Variants in AAK1 observed in about 807,000 individuals in gnomAD.
The protein encoded by AAK1 is AP2-associated protein kinase 1.
AAK1 carries 37 observed loss-of-function variants against 116.0 expected under a neutral mutation model. The ratio of observed to expected loss-of-function variants is 0.32; its 90% CI spans 0.25 to 0.42. The LOEUF is 0.42. AAK1 is among the 10% of genes least tolerant of loss of function. The probability of loss-of-function intolerance (pLI) is 1.00; values close to 1 mark genes in which losing one functional copy is unlikely to be tolerated. For missense variants in AAK1, 919 were observed against 1,170.6 expected (o/e 0.79, Z 3.14); for synonymous variants, 458 against 439.9 (o/e 1.04, Z -0.51).
rs1256315895 is a variant in AAK1 at position 69,464,840 on chromosome 2, A to T, written c.*11029T>A. 1 of 153,214 alleles carries T rather than the reference A, an allele frequency of 6.5e-6. No homozygotes were observed. Among genetic ancestry groups the T allele is most frequent in the Non-Finnish European group, 1.5e-5 (1 of 68,824 alleles). 9.5% of individuals were successfully genotyped at this position (153,214 alleles called of 1,614,324 possible). ...CAGCCTGGCTTGCACACAGACTGAGAATCAGATCTGGAGACTCCTAGAGCT... is the reference window on the plus strand; with the variant it reads ...CAGCCTGGCTTGCACACAGACTGAGTATCAGATCTGGAGACTCCTAGAGCT... On this transcript the variant is annotated 3_prime_UTR_variant, in exon 22 of 22. Transcript: ENST00000409085.
In AAK1 at chr2:69,482,693, C is replaced by A; in HGVS notation, c.2467+18G>T. On this transcript the variant is annotated intron_variant, in intron 18 of 21. Coordinates refer to ENST00000409085, the MANE Select transcript of AAK1 (RefSeq NM_014911.5). ...CACATATCATGCATGACTGAAGAAA[C>A]AGAGATGATGACTTTACCAATTACA... The A allele has an allele frequency of 6.4e-7, 1 of 1,570,618 alleles. No homozygotes were observed.
intron 2 of AAK1, among the ~76,000 whole-genome samples, chr2:69,591,263 C>G (rs1363046431): frequency 6.6e-6 from 1 of 152,152 alleles, no homozygotes. Context: ...CACCCAGGCT[C>G]TACAGGAGCA....
intron 2 of AAK1, among the ~76,000 whole-genome samples, chr2:69,622,009 C>G (rs562367086): frequency 2.0e-5 from 3 of 152,378 alleles, no homozygotes; most frequent in East Asian, 3.9e-4. Context: ...CAGCCCGCCG[C>G]TGCACTGTGG....
rs754414957 is a variant in AAK1, at chr2:69,509,295, GGACCCCAAA to G, written c.1933_1941del (p.Phe645_Val647del). 1 of 1,613,826 alleles carries G rather than the reference GGACCCCAAA, an allele frequency of 6.2e-7. No individual in the cohort carries two copies. The highest frequency in any genetic ancestry group is 8.5e-7 in the Non-Finnish European group (1 of 1,179,872). On this transcript the variant is annotated inframe_deletion, in exon 14 of 22. Transcript: ENST00000409085. ...AGCAGCTGGGTTGATTTGCTGGCAG[GGACCCCAAA>G]GACTGCACTGTGGGTTACGTCACTG...
Position 69,507,494 on chromosome 2 carries a change from G to C in AAK1, c.2091C>G (p.Pro697=), listed in dbSNP as rs772229686. The change falls in exon 15 of 22, where the codon CCC becomes CCG. Residue 697 remains proline, a synonymous_variant. Coordinates refer to ENST00000409085, the MANE Select transcript of AAK1 (RefSeq NM_014911.5). The part of the protein sequence containing the change: ...YNPSEGSTWN[P]FDDDNFSKLT... ...GTTTGGAGAAATTATCGTCATCAAA[G>C]GGATTCCACGTAGACCCTTCTGAAG... The C allele has an allele frequency of 4.5e-5, 73 of 1,612,676 alleles. 1 individual carries two copies. The East Asian group carries it at 1.5e-3, about 34-fold the overall frequency.
Position 69,471,454 on chromosome 2 carries a change from G to A in AAK1, c.*4415C>T, listed in dbSNP as rs1674678788. ...TGATAAAATTATAGCCTTTAGAGAG[G>A]AATAAAGATAGCTTTGCAGTATCTG... On this transcript the variant is annotated 3_prime_UTR_variant, in exon 22 of 22. Transcript: ENST00000409085. 3.0e-6 allele frequency: 3 copies of A among 985,420 alleles called. No homozygotes were observed. The South Asian group carries it at 1.4e-4, about 46-fold the overall frequency. The allele number at this position is 985,420 out of a possible 1,614,324, so 61.0% of individuals were successfully genotyped here. A position where few individuals can be genotyped will look rare whatever the true frequency, so the allele number is the denominator to read the frequency against.
Position 69,520,876 on chromosome 2 carries a change from G to A in AAK1, c.1168C>T (p.Pro390Ser). 6.3e-7 allele frequency: 1 copy of A among 1,597,200 alleles called. No homozygotes were observed. The highest frequency in any genetic ancestry group is 8.5e-7 in the Non-Finnish European group (1 of 1,172,688). The change falls in exon 11 of 22, where the codon CCC becomes TCC. Residue 390 changes from proline to serine, a missense_variant. By Grantham distance (74) the Pro-to-Ser change is moderately conservative. Around this residue, in one of 4 missense-constraint regions of AAK1, gnomAD observed 317 missense variants for 490.4 expected, o/e 0.65. Transcript: ENST00000409085. ...GILPIQPALT[P>S]RKRATVQPPP... ...GGCTGAACAGTGGCCCTCTTCCGGG[G>A]TGTCAGCGCTGGCTGGATGGGAAGG... is the stretch of plus-strand genomic sequence containing the variant.
intron 2 of AAK1, among the ~76,000 whole-genome samples, chr2:69,616,485 G>A (rs1249918156): frequency 1.3e-5 from 2 of 152,156 alleles, no homozygotes; most frequent in Non-Finnish European, 2.9e-5. Context: ...TATGACTTAA[G>A]TAACCACCAG....
chr2:69,540,115 A>C (rs2312212), intron 5 of AAK1, among the ~76,000 whole-genome samples: 76,179 of 142,556 alleles, frequency 0.53, 22,117 homozygotes, highest in East Asian at 0.77. Context: ...TCCCTGCCCC[A>C]CTTGCCTTTT....
chr2:69,466,869 C>T lies in AAK1; in HGVS notation c.*9000G>A. 1 of 985,400 alleles carries T rather than the reference C, an allele frequency of 1.0e-6. No homozygotes were observed. The highest frequency in any genetic ancestry group is 4.7e-5 in the South Asian group (1 of 21,280). The allele number at this position is 985,400 out of a possible 1,614,324, so 61.0% of individuals were successfully genotyped here. On this transcript the variant is annotated 3_prime_UTR_variant, in exon 22 of 22. Transcript: ENST00000409085. ...AGGCACGGACACCTGCTCTACCTGG[C>T]ACTGGCTCATTATGGAATGAAAACA...
At chr2:69,630,884 A>G (rs998399674) in intron 2 of AAK1, among the ~76,000 whole-genome samples, 1 of 152,206 alleles carries the variant, frequency 6.6e-6, no homozygotes, top group Non-Finnish European at 1.5e-5. Flanking sequence ...GCCCAATGAA[A>G]TTATTTCTTC....
At chr2:69,589,562 A>G (rs1487780903) in intron 2 of AAK1, among the ~76,000 whole-genome samples, 1 of 152,008 alleles carries the variant, frequency 6.6e-6, no homozygotes, top group African/African-American at 2.4e-5. Context: ...TACAAAAATT[A>G]GCCGGGCTTG....
chr2:69,496,402 G>A (rs1675747311), intron 16 of AAK1, among the ~76,000 whole-genome samples: 1 of 151,432 alleles, frequency 6.6e-6, no homozygotes, highest in South Asian at 2.1e-4. Flanking sequence ...CTCCTGAGTC[G>A]CCAGGCGCCT....
At position 69,599,803 on chromosome 2, in the gene AAK1, G is replaced by A. The variant is rs1178422450; in HGVS notation, c.164-42825C>T. Among the ~76,000 whole-genome samples the A allele has an allele frequency of 5.3e-5, 8 of 151,948 alleles. No homozygotes were observed. The East Asian group carries it at 1.5e-3, about 29-fold the overall frequency. ...GTTTGTTGTTGTTGTTTTGAAACGG[G>A]GTCTCACTCTGTCACTGAGGCTGGA... On this transcript the variant is annotated intron_variant, in intron 2 of 21. Transcript: ENST00000409085.
chr2:69,520,685 G>C (rs2312211), intron 11 of AAK1, 149 bp downstream of exon 11: 436,557 of 929,562 alleles, frequency 0.47, 109,180 homozygotes, highest in East Asian at 0.8. Flanking sequence ...ACAATTTCAA[G>C]GGCAGCTTCC....
chr2:69,570,690 C>G (rs923341370), intron 2 of AAK1, among the ~76,000 whole-genome samples: 2 of 152,112 alleles, frequency 1.3e-5, no homozygotes, highest in Non-Finnish European at 2.9e-5. Flanking sequence ...GTGCTTAGCA[C>G]GTGGTAGATG....
chr2:69,493,745 G>T (rs2104927439), intron 17 of AAK1, among the ~76,000 whole-genome samples: 1 of 152,288 alleles, frequency 6.6e-6, no homozygotes, highest in East Asian at 1.9e-4. Context: ...GAGTGCCCAT[G>T]GGACCACACT....
chr2:69,530,558 T>A, intron 7 of AAK1, 67 bp downstream of exon 7: 1 of 1,359,808 alleles, frequency 7.4e-7, no homozygotes, highest in Non-Finnish European at 1.1e-6. Flanking sequence ...GCTGTGTGCA[T>A]TAACCTTGGG....
intron 2 of AAK1, among the ~76,000 whole-genome samples, chr2:69,580,584 C>T (rs935867962): frequency 9.2e-5 from 14 of 152,286 alleles, no homozygotes; most frequent in African/African-American, 3.4e-4. Context: ...CCTTTTTCTT[C>T]TAATTTCAGA....
Sources: allele counts gnomAD v4.1 joint callset (sites outside exome capture counted in the v4.1 genomes callset), GRCh38; gene constraint gnomAD v4.1.1; regional missense constraint gnomAD v4.1.1; transcripts MANE v1.5; gene names NCBI Gene and HGNC (gene_info 2026-07-23, HGNC 2026-07-21).